INTS2: variants seen among roughly 807,000 people sequenced by gnomAD.
INTS2 encodes the protein integrator complex subunit 2.
In INTS2, 57 loss-of-function variants were observed where a neutral mutation model predicts 139.6. The ratio of observed to expected loss-of-function variants is 0.41; its 90% CI spans 0.33 to 0.51. The LOEUF (loss-of-function observed/expected upper bound fraction) is 0.51. Ranked by LOEUF, INTS2 falls within the 20% of genes least tolerant of loss-of-function variation. The probability of loss-of-function intolerance (pLI) is 0.28; values close to 1 mark genes in which losing one functional copy is unlikely to be tolerated. For synonymous variants in INTS2, 473 were observed against 493.4 expected, an observed-to-expected ratio of 0.96 and a Z score of 0.55; for missense variants, 1,196 against 1,436.7, an observed-to-expected ratio of 0.83 and a Z score of 2.71.
intron 15 of INTS2, among the ~76,000 whole-genome samples, chr17:61,888,239 G>A (rs1039442432): frequency 2.4e-4 from 37 of 151,798 alleles, no homozygotes; most frequent in African/African-American, 8.7e-4. Context: ...GCATGGTGGT[G>A]TCCACCTGTG....
At chr17:61,918,915 T>C (rs917459233) in intron 5 of INTS2, among the ~76,000 whole-genome samples, 4 of 150,606 alleles carry the variant, frequency 2.7e-5, no homozygotes, top group Admixed American at 6.7e-5. Context: ...ATCTTCTAGT[T>C]CCTTGGGGTT....
In INTS2 at chr17:61,872,442, A is replaced by T; in HGVS notation, c.2601T>A (p.Asp867Glu). The T allele has an allele frequency of 6.3e-7, 1 of 1,594,018 alleles. No homozygotes were observed. The highest frequency in any genetic ancestry group is 8.6e-7 in the Non-Finnish European group (1 of 1,166,832). ...ATCCATTCAACATGTGTAGGGTAAT[A>T]TCCATCAGTGGGGGGCATCTAAACA... ...QRVHRCPPLMDITLHMLNGYL... is the reference protein window; with the variant it reads ...QRVHRCPPLMEITLHMLNGYL... The change falls in exon 20 of 25, where the codon GAT (aspartate) becomes GAA (glutamate). Residue 867 changes from aspartate (D) to glutamate (E), a missense_variant. By Grantham distance (45) the Asp-to-Glu change is conservative. Around this residue, in one of 3 missense-constraint regions of INTS2, gnomAD observed 1,129 missense variants for 1,341.9 expected, o/e 0.84. Transcript: ENST00000251334. This position sits in a 1 kb window ranked among gnomAD's most constrained non-coding sequence, Gnocchi z 4.8.
chr17:61,919,110 A>G (rs1292703188), intron 5 of INTS2, among the ~76,000 whole-genome samples: 2 of 151,994 alleles, frequency 1.3e-5, no homozygotes, highest in Non-Finnish European at 2.9e-5. Flanking sequence ...TTTTTAGTAG[A>G]GATGGGGTTT....
Position 61,926,633 on chromosome 17 carries a change from ACATT to A in INTS2, c.8_11del (p.Glu3ValfsTer26). 1 of 1,608,502 alleles carries A rather than the reference ACATT, an allele frequency of 6.2e-7. No homozygotes were observed. The highest frequency in any genetic ancestry group is 8.5e-7 in the Non-Finnish European group (1 of 1,176,996). The stretch of plus-strand genomic sequence containing the variant: ...AAGGGCTGACAAACTGAAGACTTGT[ACATT>A]CAGTCATTATTACTGTTTGTTGATC... On this transcript the variant is annotated frameshift_variant, in exon 2 of 25. Coordinates refer to ENST00000251334, the MANE Select transcript of INTS2 (RefSeq NM_001351695.2). LOFTEE classifies it high-confidence loss of function.
chr17:61,866,414 G>A lies in INTS2; in HGVS notation c.*1143C>T, dbSNP rs2079046724. The A allele has an allele frequency of 6.6e-6, 1 of 151,348 alleles. No homozygotes were observed. The highest frequency in any genetic ancestry group is 6.6e-5 in the Admixed American group (1 of 15,172). The allele number at this position is 151,348 out of a possible 1,614,324, so 9.4% of individuals were successfully genotyped here. A position where few individuals can be genotyped will look rare whatever the true frequency, so the allele number is the denominator to read the frequency against. ...GTCTGTTTCAAGTGGGGGTGGGGAA[G>A]TGTGTGATTGAGGTATATCTCAGAG... is the stretch of plus-strand genomic sequence containing the variant. On this transcript the variant is annotated 3_prime_UTR_variant, in exon 25 of 25. Transcript: ENST00000251334.
intron 3 of INTS2, 41 bp from the exon 4 acceptor site, chr17:61,921,868 C>T (rs200077359): frequency 5.0e-6 from 5 of 1,007,904 alleles, no homozygotes; most frequent in Non-Finnish European, 7.4e-6. Context: ...CTATTAATTT[C>T]AGATAATTAA....
At chr17:61,907,690 A>C in intron 7 of INTS2, 56 bp from the exon 8 acceptor site, 2 of 1,402,040 alleles carry the variant, frequency 1.4e-6, no homozygotes, top group Non-Finnish European at 2.0e-6. Context: ...ACTAAACTAA[A>C]AGGGAGCTAA....
At position 61,873,397 on chromosome 17, in the gene INTS2, G is replaced by GA. The variant is rs1339797417; in HGVS notation, c.2583-938dup. ...AAATTTGAAATAAGAACATTAACAT[G>GA]AAAAAAGGTTCACAAGTTGTTAAGT... On this transcript the variant is annotated intron_variant, in intron 19 of 24. Coordinates refer to ENST00000251334, the MANE Select transcript of INTS2 (RefSeq NM_001351695.2). The surrounding 1 kb of genome is among the most constrained non-coding windows in gnomAD (Gnocchi z 4.0). Among the ~76,000 whole-genome samples the GA allele has an allele frequency of 4.0e-5, 6 of 151,872 alleles. No homozygotes were observed. The highest frequency in any genetic ancestry group is 1.5e-4 in the African/African-American group (6 of 41,358).
intron 17 of INTS2, among the ~76,000 whole-genome samples, chr17:61,880,202 C>A (rs2079165249): frequency 6.6e-6 from 1 of 152,054 alleles, no homozygotes; most frequent in Non-Finnish European, 1.5e-5. Flanking sequence ...CACGACCACG[C>A]CCGGCTAATT....
chr17:61,923,287 C>T (rs891492626), intron 3 of INTS2, among the ~76,000 whole-genome samples: 10 of 151,076 alleles, frequency 6.6e-5, no homozygotes, highest in East Asian at 2.0e-4. Flanking sequence ...ACCATCCTGG[C>T]TAACACGGTG....
intron 11 of INTS2, among the ~76,000 whole-genome samples, chr17:61,896,736 T>C (rs1345187286): frequency 1.3e-5 from 2 of 151,980 alleles, no homozygotes; most frequent in Admixed American, 6.6e-5. Flanking sequence ...TCAACCAAAT[T>C]TGCAAAGATT....
In INTS2 at chr17:61,909,579, G is replaced by A. The variant is rs182468163; in HGVS notation, c.954+1941C>T. Among the ~76,000 whole-genome samples, 17 of 152,012 alleles carry A rather than the reference G, an allele frequency of 1.1e-4. No individual in the cohort carries two copies. The highest frequency in any genetic ancestry group is 2.2e-4 in the African/African-American group (9 of 41,472). On this transcript the variant is annotated intron_variant, in intron 7 of 24. Transcript: ENST00000251334. The surrounding 1 kb of genome is among the most constrained non-coding windows in gnomAD (Gnocchi z 4.9). ...CCTTCCCACCCTCCCAACATTTGGA[G>A]TCTATGATGTGTATTATCCCACTCG...
chr17:61,914,438 G>A (rs541299074), intron 5 of INTS2, among the ~76,000 whole-genome samples: 7 of 152,120 alleles, frequency 4.6e-5, no homozygotes, highest in South Asian at 4.2e-4. Context: ...AGTGGCTCAC[G>A]CCTATAATCC....
At position 61,893,540 on chromosome 17, in the gene INTS2, CA is replaced by C. The variant is rs2079317232; in HGVS notation, c.1698+224del. On this transcript the variant is annotated intron_variant, in intron 13 of 24. Transcript: ENST00000251334. This position sits in a 1 kb window ranked among gnomAD's most constrained non-coding sequence, Gnocchi z 5.4. ...TGAAACCCTGTCTCTACTAAAAATA[CA>C]AAAATTAGCCGGGCATGGTGGCACA... Among the ~76,000 whole-genome samples the C allele has an allele frequency of 6.6e-6, 1 of 151,758 alleles. No individual in the cohort carries two copies. Among genetic ancestry groups the C allele is most frequent in the South Asian group, 2.1e-4 (1 of 4,804 alleles).
intron 5 of INTS2, among the ~76,000 whole-genome samples, chr17:61,918,898 A>G (rs543759194): frequency 6.7e-6 from 1 of 149,438 alleles, no homozygotes; most frequent in South Asian, 2.1e-4. Context: ...CTGATTATAG[A>G]TATTACATCT....
rs1039906595 is a variant in INTS2 at position 61,904,511 on chromosome 17, C to T, written c.1256G>A (p.Arg419His). ...SRPPATPAGV[R>H]FVSLSFCMLL... ...CATACAAAAGGAAAGTGAAACAAAG[C>T]GAACCCCAGCTGGCGTAGCAGGAGG... The change falls in exon 9 of 25, where the codon CGC becomes CAC. Residue 419 changes from arginine to histidine, a missense_variant. Arg to His is a conservative substitution (Grantham distance 29, BLOSUM62 0). This residue lies in a region of INTS2 where 1,129 missense variants were observed against 1,341.9 expected (regional missense o/e 0.84). Transcript: ENST00000251334. 4.3e-6 allele frequency: 7 copies of T among 1,611,492 alleles called. No individual in the cohort carries two copies. Among genetic ancestry groups the T allele is most frequent in the South Asian group, 1.1e-5 (1 of 90,702 alleles).
chr17:61,892,904 A>G (rs1468232572), intron 13 of INTS2, among the ~76,000 whole-genome samples: 1 of 145,118 alleles, frequency 6.9e-6, no homozygotes, highest in Non-Finnish European at 1.5e-5. Flanking sequence ...CAGTGAGCTG[A>G]GATAGCACCA....
chr17:61,901,585 T>C (rs1204639588), intron 9 of INTS2, among the ~76,000 whole-genome samples: 1 of 35,490 alleles, frequency 2.8e-5, no homozygotes, highest in African/African-American at 5.3e-5. Flanking sequence ...TTCTTTTTTT[T>C]TTTTTTTTTT....
rs569717986 is a variant in INTS2, at chr17:61,902,126, C to T, written c.1307+2334G>A. Among the ~76,000 whole-genome samples the T allele has an allele frequency of 4.9e-4, 75 of 151,952 alleles. 3 individuals are homozygous for T. The highest frequency in any genetic ancestry group is 5.6e-4 in the Non-Finnish European group (38 of 67,992). On this transcript the variant is annotated intron_variant, in intron 9 of 24. Transcript: ENST00000251334. ...TCTGATTCCTGGTCCTTTGTGTGGCCTATTTGTTTTTAATATAGAAACTCG... is the reference window on the plus strand; with the variant it reads ...TCTGATTCCTGGTCCTTTGTGTGGCTTATTTGTTTTTAATATAGAAACTCG...
Sources: gnomAD v4.1 joint callset for allele counts (sites outside exome capture counted in the v4.1 genomes callset) on GRCh38, gnomAD v4.1.1 for gene constraint, gnomAD v4.1.1 regional missense constraint, Gnocchi (gnomAD v3.1) non-coding constraint, MANE v1.5 for transcripts, NCBI Gene and HGNC (gene_info 2026-07-23, HGNC 2026-07-21) for gene names.